The following LGSN variants were observed in gnomAD, a reference collection of about 807,000 sequenced individuals.
The protein encoded by LGSN is lengsin, lens protein with glutamine synthetase domain.
LGSN carries 21 observed loss-of-function variants against 19.5 expected under a neutral mutation model. That is an observed-to-expected ratio of 1.07 (90% CI 0.76 to 1.55). The LOEUF (loss-of-function observed/expected upper bound fraction) is 1.55. LGSN is among the 40% of genes most tolerant of loss of function. The probability of loss-of-function intolerance (pLI) is 0.00; values close to 1 mark genes in which losing one functional copy is unlikely to be tolerated. For synonymous variants in LGSN, 257 were observed against 215.6 expected (o/e 1.19, Z -1.68); for missense variants, 673 against 608.5 (o/e 1.11, Z -1.12).
At chr6:63,423,941 G>A in the LGSN span, among the ~76,000 whole-genome samples, 4 of 152,158 alleles carry the variant, frequency 2.6e-5, no homozygotes, top group Admixed American at 6.6e-5. Context: ...TTAGGAAGCC[G>A]AGGCAGGAGA....
the LGSN span, among the ~76,000 whole-genome samples, chr6:63,497,776 A>G: frequency 2.6e-5 from 4 of 151,996 alleles, no homozygotes; most frequent in Non-Finnish European, 5.9e-5. Context: ...TTTATATTTT[A>G]TGGGAATTAT....
the LGSN span, among the ~76,000 whole-genome samples, chr6:63,538,660 A>C: frequency 6.6e-6 from 1 of 152,158 alleles, no homozygotes; most frequent in African/African-American, 2.4e-5. Context: ...CTTATTTTTT[A>C]AGATAGCATG....
At chr6:63,318,680 C>A (rs746622590) in intron 1 of LGSN, among the ~76,000 whole-genome samples, 4 of 152,120 alleles carry the variant, frequency 2.6e-5, no homozygotes, top group Non-Finnish European at 5.9e-5. Context: ...AACATTTGGT[C>A]TAGACTGGTC....
At chr6:63,559,228 A>T in the LGSN span, among the ~76,000 whole-genome samples, 1 of 152,226 alleles carries the variant, frequency 6.6e-6, no homozygotes, top group Non-Finnish European at 1.5e-5. Flanking sequence ...TGTAACAAAG[A>T]TTATTAAAGC....
At chr6:63,505,601 G>GAAATAAATAAAT in the LGSN span, among the ~76,000 whole-genome samples, 11 of 115,796 alleles carry the variant, frequency 9.5e-5, no homozygotes, top group Middle Eastern at 3.8e-3. Flanking sequence ...AAGAAAGAAA[G>GAAATAAATAAAT]AAAGAAAGAA....
chr6:63,520,832 T>C, the LGSN span, among the ~76,000 whole-genome samples: 1 of 152,158 alleles, frequency 6.6e-6, no homozygotes, highest in Non-Finnish European at 1.5e-5. Flanking sequence ...GATCATTTAT[T>C]AGACCATGTG....
the LGSN span, among the ~76,000 whole-genome samples, chr6:63,490,996 G>T: frequency 6.6e-5 from 10 of 152,178 alleles, no homozygotes; most frequent in East Asian, 1.7e-3. Context: ...GCCCTCAACG[G>T]GTTGAATGAT....
chr6:63,412,540 AAG>A, the LGSN span, among the ~76,000 whole-genome samples: 4 of 138,478 alleles, frequency 2.9e-5, no homozygotes, highest in African/African-American at 1.2e-4. Context: ...GAAAGAAAGA[AAG>A]AAAGAAAGAA....
chr6:63,350,494 T>C, the LGSN span, among the ~76,000 whole-genome samples: 582 of 152,318 alleles, frequency 3.8e-3, 3 homozygotes, highest in Non-Finnish European at 6.6e-3. Context: ...TTACTTTATT[T>C]CCAGTTTTAA....
At chr6:63,549,313 G>A in the LGSN span, 1 of 753,278 alleles carries the variant, frequency 1.3e-6, no homozygotes, top group Non-Finnish European at 2.4e-6. Context: ...ATGGCTCTCT[G>A]CCGCTGCAAC....
At chr6:63,301,151 C>T (rs1050611035) in intron 1 of LGSN, among the ~76,000 whole-genome samples, 1 of 152,030 alleles carries the variant, frequency 6.6e-6, no homozygotes, top group African/African-American at 2.4e-5. Context: ...ATTAGCCAGG[C>T]ATTGTGGCAC....
the LGSN span, chr6:63,572,452 T>A: frequency 2.7e-6 from 1 of 372,368 alleles, no homozygotes; most frequent in Non-Finnish European, 4.8e-6. Flanking sequence ...GCGCCGGCTA[T>A]AAAGGGGAGG....
intron 1 of LGSN, among the ~76,000 whole-genome samples, chr6:63,311,739 C>T (rs753608434): frequency 1.4e-4 from 21 of 152,160 alleles, no homozygotes; most frequent in Non-Finnish European, 2.6e-4. Flanking sequence ...TTAAAATCCA[C>T]GCACAGTTTT....
At chr6:63,346,149 G>C in the LGSN span, among the ~76,000 whole-genome samples, 1 of 151,604 alleles carries the variant, frequency 6.6e-6, no homozygotes, top group Non-Finnish European at 1.5e-5. Flanking sequence ...TTCTAATAAG[G>C]TCTTTGACAC....
chr6:63,570,087 C>A, the LGSN span, among the ~76,000 whole-genome samples: 1 of 152,178 alleles, frequency 6.6e-6, no homozygotes, highest in Non-Finnish European at 1.5e-5. Context: ...TAAAATGTGT[C>A]CTTTCCTTTG....
the LGSN span, among the ~76,000 whole-genome samples, chr6:63,513,927 A>AC: frequency 1.3e-4 from 20 of 149,074 alleles, no homozygotes; most frequent in African/African-American, 2.7e-4. Flanking sequence ...AAAAAAAAAA[A>AC]AAAAAAAAAC....
chr6:63,522,319 C>A, the LGSN span, among the ~76,000 whole-genome samples: 1 of 152,126 alleles, frequency 6.6e-6, no homozygotes, highest in East Asian at 1.9e-4. Context: ...TGTCCAGAAA[C>A]CATATTCATG....
At chr6:63,515,743 G>T in the LGSN span, among the ~76,000 whole-genome samples, 4 of 151,960 alleles carry the variant, frequency 2.6e-5, no homozygotes, top group Non-Finnish European at 4.4e-5. Context: ...GAAGAGAGAA[G>T]AATCTAAACA....
chr6:63,524,771 T>C, the LGSN span, among the ~76,000 whole-genome samples: 1 of 152,164 alleles, frequency 6.6e-6, no homozygotes, highest in Non-Finnish European at 1.5e-5. Context: ...CATGAAATTG[T>C]ATATATTATC....
Sources: allele counts gnomAD v4.1 joint callset (sites outside exome capture counted in the v4.1 genomes callset), GRCh38; gene constraint gnomAD v4.1.1; transcripts MANE v1.5; gene names NCBI Gene and HGNC (gene_info 2026-07-23, HGNC 2026-07-21).